TBC1D1: variants seen among roughly 807,000 people sequenced by gnomAD.
The protein encoded by TBC1D1 is TBC1 (tre-2/USP6, BUB2, cdc16) domain family, member 1.
In TBC1D1, 89 loss-of-function variants were observed where a neutral mutation model predicts 125.6. The observed-to-expected ratio is 0.71, with a 90% CI of 0.60 to 0.85. TBC1D1 has a LOEUF of 0.85. Ranked by LOEUF, TBC1D1 falls within the 40% of genes least tolerant of loss-of-function variation. The probability of loss-of-function intolerance (pLI) is 0.00; values close to 1 mark genes in which losing one functional copy is unlikely to be tolerated. For synonymous variants in TBC1D1, 565 were observed against 564.1 expected, an observed-to-expected ratio of 1.00 and a Z score of -0.02; for missense variants, 1,377 against 1,469.2, an observed-to-expected ratio of 0.94 and a Z score of 1.03.
chr4:38,080,207 A>G (rs1450889712), intron 12 of TBC1D1, among the ~76,000 whole-genome samples: 1 of 152,260 alleles, frequency 6.6e-6, no homozygotes, highest in East Asian at 1.9e-4. Context: ...CTCTGTGCCC[A>G]CAGTGAGGTC....
intron 7 of TBC1D1, chr4:38,030,246 A>C (rs554117176): frequency 6.6e-6 from 1 of 152,380 alleles, no homozygotes; most frequent in Admixed American, 6.5e-5. Flanking sequence ...TCTTTGACTC[A>C]TGCAGGCTTT....
At position 38,014,207 on chromosome 4, in the gene TBC1D1, C is replaced by T. The variant is rs1451676395; in HGVS notation, c.418-302C>T. ...TGCTAGGTTGGGCTGTGTGTGTTCCCGGGCTGGTGGTTTAACCTTGCAGGG... is the reference window on the plus strand; with the variant it reads ...TGCTAGGTTGGGCTGTGTGTGTTCCTGGGCTGGTGGTTTAACCTTGCAGGG... On this transcript the variant is annotated intron_variant, in intron 2 of 19. Transcript: ENST00000261439. This position sits in a 1 kb window ranked among gnomAD's most constrained non-coding sequence, Gnocchi z 5.1. 1.3e-5 allele frequency among the ~76,000 whole-genome samples: 2 copies of T among 152,162 alleles called. No homozygotes were observed. Among genetic ancestry groups the T allele is most frequent in the Admixed American group, 6.5e-5 (1 of 15,280 alleles).
At chr4:38,020,472 C>T (rs1743770671) in intron 4 of TBC1D1, 119 bp from the exon 5 acceptor site, 3 of 765,192 alleles carry the variant, frequency 3.9e-6, no homozygotes, top group Non-Finnish European at 6.3e-6. Context: ...GAGTAAAATT[C>T]CATCTCAAAA....
intron 2 of TBC1D1, among the ~76,000 whole-genome samples, chr4:37,987,582 C>G (rs1735716139): frequency 6.6e-6 from 1 of 152,024 alleles, no homozygotes; most frequent in Non-Finnish European, 1.5e-5. Flanking sequence ...AATAGATATA[C>G]CATATGGAAA....
intron 2 of TBC1D1, 88 bp downstream of exon 2, chr4:37,902,600 A>C: frequency 9.2e-7 from 1 of 1,082,806 alleles, no homozygotes; most frequent in East Asian, 2.5e-5. Context: ...AAGTATACTG[A>C]AATGAATAAG....
At chr4:38,033,784 G>C (rs1746676678) in intron 7 of TBC1D1, among the ~76,000 whole-genome samples, 1 of 152,118 alleles carries the variant, frequency 6.6e-6, no homozygotes, top group Admixed American at 6.6e-5. Flanking sequence ...CATGTAGTTG[G>C]AATCACACAG....
intron 11 of TBC1D1, among the ~76,000 whole-genome samples, chr4:38,052,755 CACACACACAG>C (rs748516521): frequency 0.096 from 14,301 of 148,394 alleles, 805 homozygotes; most frequent in East Asian, 0.24. Flanking sequence ...CACACACACA[CACACACACAG>C]GATAACATCT....
intron 2 of TBC1D1, among the ~76,000 whole-genome samples, chr4:37,911,561 GGACCCTTTCCT>G (rs1718643604): frequency 6.6e-6 from 1 of 152,084 alleles, no homozygotes; most frequent in African/African-American, 2.4e-5. Context: ...CATCCTGCAG[GGACCCTTTCCT>G]GGCCGCTTTT....
chr4:37,951,383 C>G (rs953584523), intron 2 of TBC1D1, among the ~76,000 whole-genome samples: 11 of 152,094 alleles, frequency 7.2e-5, no homozygotes, highest in African/African-American at 2.7e-4. Context: ...TCTCTACTTT[C>G]CTATTTGACA....
chr4:38,088,265 G>A (rs1467271249), intron 12 of TBC1D1, among the ~76,000 whole-genome samples: 3 of 152,192 alleles, frequency 2.0e-5, no homozygotes, highest in African/African-American at 7.2e-5. Flanking sequence ...CTAATCCTAA[G>A]TATACAGGGT....
chr4:37,909,216 T>G (rs1718016297), intron 2 of TBC1D1, among the ~76,000 whole-genome samples: 1 of 152,190 alleles, frequency 6.6e-6, no homozygotes, highest in African/African-American at 2.4e-5. Flanking sequence ...GGGCTGCATG[T>G]TACCTCGCAT....
intron 2 of TBC1D1, among the ~76,000 whole-genome samples, chr4:37,970,588 G>A (rs957802342): frequency 3.9e-5 from 6 of 152,196 alleles, no homozygotes; most frequent in Admixed American, 2.6e-4. Context: ...GGAACTCATC[G>A]AAGCTTCACC....
At chr4:38,063,739 A>T (rs988781472) in intron 12 of TBC1D1, among the ~76,000 whole-genome samples, 1 of 151,426 alleles carries the variant, frequency 6.6e-6, no homozygotes, top group Non-Finnish European at 1.5e-5. Context: ...AGTGATTCTC[A>T]TGCCTCAGCG....
chr4:37,978,353 G>A (rs745663392), intron 2 of TBC1D1, among the ~76,000 whole-genome samples: 20 of 152,310 alleles, frequency 1.3e-4, no homozygotes, highest in South Asian at 6.2e-4. Context: ...GTCACCCCAT[G>A]CACTCAGTCC....
intron 2 of TBC1D1, among the ~76,000 whole-genome samples, chr4:37,942,381 A>G (rs192511869): frequency 4.1e-4 from 62 of 151,856 alleles, no homozygotes; most frequent in Middle Eastern, 3.4e-3. Context: ...TGCTTGTTAG[A>G]TCTTCCTCCA....
intron 2 of TBC1D1, among the ~76,000 whole-genome samples, chr4:38,005,949 G>C (rs1240543965): frequency 6.6e-6 from 1 of 152,300 alleles, no homozygotes; most frequent in South Asian, 2.1e-4. Context: ...TGTGTGAGGC[G>C]TTGTGTAGAT....
rs909836380 is a variant in TBC1D1, at chr4:38,112,058, T to C, written c.2558-3652T>C. On this transcript the variant is annotated intron_variant, in intron 15 of 19. Transcript: ENST00000261439. ...AGATTTTCTGCATAAAGAAAATCAA[T>C]GACAGTTTCTGAAACTGCATCCTGG... 30 of 985,346 alleles carry C rather than the reference T, an allele frequency of 3.0e-5. No individual in the cohort carries two copies. In the African/African-American group the frequency reaches 5.1e-4, roughly 17 times the overall value. 61.0% of individuals were successfully genotyped at this position (985,346 alleles called of 1,614,324 possible).
intron 2 of TBC1D1, among the ~76,000 whole-genome samples, chr4:38,004,449 A>T (rs1181885965): frequency 6.6e-6 from 1 of 152,206 alleles, no homozygotes; most frequent in Non-Finnish European, 1.5e-5. Context: ...ACATTTACCA[A>T]AATGCTTTAT....
At chr4:37,963,232 A>C (rs760261327) in intron 2 of TBC1D1, among the ~76,000 whole-genome samples, 3 of 152,230 alleles carry the variant, frequency 2.0e-5, no homozygotes, top group Non-Finnish European at 4.4e-5. Context: ...TTATAAAGAA[A>C]AGAGGTTTAA....
Sources: allele counts gnomAD v4.1 joint callset (sites outside exome capture counted in the v4.1 genomes callset), GRCh38; gene constraint gnomAD v4.1.1; non-coding constraint Gnocchi (gnomAD v3.1); transcripts MANE v1.5; gene names NCBI Gene and HGNC (gene_info 2026-07-23, HGNC 2026-07-21).